The following COL4A3 variants were observed in gnomAD, a reference collection of about 807,000 sequenced individuals.
The protein encoded by COL4A3 is collagen type IV alpha 3 chain.
COL4A3 carries 135 observed loss-of-function variants against 217.4 expected under a neutral mutation model. That is an observed-to-expected ratio of 0.62 (90% CI 0.54 to 0.72). COL4A3 has a LOEUF of 0.72. Among genes scored for constraint, COL4A3 ranks in the 30% least tolerant of loss-of-function variants. The probability of loss-of-function intolerance (pLI) is 0.00; values close to 1 mark genes in which losing one functional copy is unlikely to be tolerated. For missense variants in COL4A3, 1,868 were observed against 2,119.9 expected (o/e 0.88, Z 2.33); for synonymous variants, 690 against 736.3 (o/e 0.94, Z 1.02).
At chr2:227,245,316 A>AC (rs397801617) in intron 5 of COL4A3, among the ~76,000 whole-genome samples, 7 of 151,836 alleles carry the variant, frequency 4.6e-5, no homozygotes, top group South Asian at 2.1e-4. Context: ...TTAAAAAAAA[A>AC]CAATAAAAAT....
At chr2:227,268,935 G>T (rs983580700) in intron 23 of COL4A3, among the ~76,000 whole-genome samples, 2 of 152,190 alleles carry the variant, frequency 1.3e-5, no homozygotes, top group Non-Finnish European at 2.9e-5. Flanking sequence ...TTGCATTGTT[G>T]CATTTTCCAT....
chr2:227,176,329 C>T (rs75004687), intron 1 of COL4A3, among the ~76,000 whole-genome samples: 9,589 of 152,094 alleles, frequency 0.063, 368 homozygotes, highest in Admixed American at 0.092. Flanking sequence ...ATACCAGCGT[C>T]GGTATTGTAT....
At chr2:227,303,180 G>A in intron 44 of COL4A3, 70 bp downstream of exon 44, 1 of 1,367,052 alleles carries the variant, frequency 7.3e-7, no homozygotes, top group Non-Finnish European at 1.0e-6. Flanking sequence ...GGGCACACAA[G>A]TGTTTGCTGA....
Position 227,279,990 on chromosome 2 carries a change from G to T in COL4A3, c.2223+100G>T, listed in dbSNP as rs6729152. ...GGCAGAGCACTCTAGATGTAGAAAT[G>T]ATCAATATATTTGTAGATGATGAAG... On this transcript the variant is annotated intron_variant, in intron 29 of 51. Coordinates refer to ENST00000396578, the MANE Select transcript of COL4A3 (RefSeq NM_000091.5). 0.92 allele frequency: 663,281 copies of T among 721,878 alleles called. 304,928 individuals carry two copies. Among genetic ancestry groups the T allele is most frequent in the African/African-American group, 0.96 (53,333 of 55,606 alleles). 44.7% of individuals were successfully genotyped at this position (721,878 alleles called of 1,614,324 possible).
intron 1 of COL4A3, among the ~76,000 whole-genome samples, chr2:227,226,990 T>C (rs73996238): frequency 0.084 from 12,832 of 152,298 alleles, 852 homozygotes; most frequent in African/African-American, 0.18. Context: ...TGCAAACTTA[T>C]GGACATTGAG....
chr2:227,279,903 T>G lies in COL4A3; in HGVS notation c.2223+13T>G. 6.3e-7 allele frequency: 1 copy of G among 1,585,758 alleles called. No individual in the cohort carries two copies. The highest frequency in any genetic ancestry group is 1.3e-5 in the African/African-American group (1 of 74,640). On this transcript the variant is annotated intron_variant, in intron 29 of 51. Coordinates refer to ENST00000396578, the MANE Select transcript of COL4A3 (RefSeq NM_000091.5). ...CCCAGGAGCCAAGGTATGCAAAAAT[T>G]CAAGCTATCACAGAAGAGAGGGTGG...
chr2:227,277,702 CTT>C (rs1458741592), intron 28 of COL4A3, 149 bp downstream of exon 28: 21 of 629,532 alleles, frequency 3.3e-5, no homozygotes, highest in Non-Finnish European at 4.7e-5. Context: ...CCATAATACT[CTT>C]TAAAATGTTT....
intron 25 of COL4A3, among the ~76,000 whole-genome samples, chr2:227,271,743 A>G (rs953905990): frequency 2.6e-5 from 4 of 152,140 alleles, no homozygotes; most frequent in African/African-American, 7.2e-5. Flanking sequence ...AAGTGCTGGG[A>G]TTACAGGTGT....
Position 227,260,141 on chromosome 2 carries a change from A to T in COL4A3, c.1114+264A>T, listed in dbSNP as rs2070459722. On this transcript the variant is annotated intron_variant, in intron 19 of 51. Coordinates refer to ENST00000396578, the MANE Select transcript of COL4A3 (RefSeq NM_000091.5). ...GTCATGGAAACATTTGCTGGAGGGCAGGAGGAGGGAGTGCAAGGCATTGGC... is the reference window on the plus strand; with the variant it reads ...GTCATGGAAACATTTGCTGGAGGGCTGGAGGAGGGAGTGCAAGGCATTGGC... The T allele has an allele frequency of 4.9e-6, 3 of 615,872 alleles. No homozygotes were observed. In the Admixed American group the frequency reaches 5.9e-5, roughly 12 times the overall value. The allele number at this position is 615,872 out of a possible 1,614,324, so 38.2% of individuals were successfully genotyped here.
In COL4A3 at chr2:227,282,676, G is replaced by C; in HGVS notation, c.2656+144G>C. ...CTTCTAAATTATTTGTAAGAAACCA[G>C]GGGCCATGGTGCAGGGAAACGGTGG... is the stretch of plus-strand genomic sequence containing the variant. On this transcript the variant is annotated intron_variant, in intron 32 of 51. Coordinates refer to ENST00000396578, the MANE Select transcript of COL4A3 (RefSeq NM_000091.5). The surrounding 1 kb of genome is among the most constrained non-coding windows in gnomAD (Gnocchi z 4.4). The C allele has an allele frequency of 2.5e-6, 2 of 805,470 alleles. No individual in the cohort carries two copies. Among genetic ancestry groups the C allele is most frequent in the South Asian group, 3.3e-5 (2 of 61,412 alleles). 49.9% of individuals were successfully genotyped at this position (805,470 alleles called of 1,614,324 possible).
intron 26 of COL4A3, among the ~76,000 whole-genome samples, chr2:227,273,811 A>AT (rs2071386022): frequency 6.6e-6 from 1 of 152,230 alleles, no homozygotes; most frequent in Non-Finnish European, 1.5e-5. Flanking sequence ...TAATAGTTTA[A>AT]AAGTCCAGGT....
At chr2:227,275,453 T>C (rs1053373309) in intron 26 of COL4A3, among the ~76,000 whole-genome samples, 4 of 152,212 alleles carry the variant, frequency 2.6e-5, no homozygotes, top group African/African-American at 9.6e-5. Context: ...AGTTCTGGGA[T>C]TACAGGTGTG....
intron 1 of COL4A3, among the ~76,000 whole-genome samples, chr2:227,192,781 G>A (rs1018194931): frequency 4.6e-5 from 7 of 152,124 alleles, no homozygotes; most frequent in Admixed American, 1.3e-4. Flanking sequence ...TTGACGAATC[G>A]AGTCAACCCA....
intron 42 of COL4A3, 84 bp from the exon 43 acceptor site, chr2:227,298,598 A>C: frequency 6.4e-7 from 1 of 1,572,170 alleles, no homozygotes; most frequent in Non-Finnish European, 8.7e-7. Context: ...TGAAGGGTTT[A>C]TACTTCATTA....
intron 37 of COL4A3, 190 bp downstream of exon 37, chr2:227,291,076 C>G: frequency 1.6e-6 from 1 of 621,288 alleles, no homozygotes; most frequent in Non-Finnish European, 2.7e-6. Context: ...CTGTCAACTT[C>G]TGAGAGCCTC....
chr2:227,164,687 G>T lies in COL4A3; in HGVS notation c.-40G>T. On this transcript the variant is annotated 5_prime_UTR_variant, in exon 1 of 52. The change creates a new upstream start codon in the 5' untranslated region. Transcript: ENST00000396578. The surrounding 1 kb of genome is among the most constrained non-coding windows in gnomAD (Gnocchi z 4.8). The stretch of plus-strand genomic sequence containing the variant: ...GAGACGCGGTGGCCTGAGAGCCTGA[G>T]GGTCCCCGGACTCGCCCAGGCTCTG... 1 of 1,530,088 alleles carries T rather than the reference G, an allele frequency of 6.5e-7. No homozygotes were observed. Among genetic ancestry groups the T allele is most frequent in the South Asian group, 1.2e-5 (1 of 83,778 alleles). 94.8% of individuals were successfully genotyped at this position (1,530,088 alleles called of 1,614,324 possible). A position where few individuals can be genotyped will look rare whatever the true frequency, so the allele number is the denominator to read the frequency against.
chr2:227,283,985 G>A, intron 33 of COL4A3, 129 bp downstream of exon 33: 2 of 1,003,026 alleles, frequency 2.0e-6, no homozygotes, highest in South Asian at 1.4e-5. Context: ...TGATTTTGCT[G>A]TTTTCTATGT....
At chr2:227,170,405 G>A (rs1398603797) in intron 1 of COL4A3, among the ~76,000 whole-genome samples, 1 of 151,960 alleles carries the variant, frequency 6.6e-6, no homozygotes, top group Non-Finnish European at 1.5e-5. Flanking sequence ...AGGTTTAATG[G>A]ACTCACAGTT....
chr2:227,271,999 T>C (rs2071270122), intron 25 of COL4A3, among the ~76,000 whole-genome samples: 1 of 152,214 alleles, frequency 6.6e-6, no homozygotes, highest in Non-Finnish European at 1.5e-5. Flanking sequence ...TATCAGAATA[T>C]GAACTGTGAG....
Sources: gnomAD v4.1 joint callset for allele counts (sites outside exome capture counted in the v4.1 genomes callset) on GRCh38, gnomAD v4.1.1 for gene constraint, Gnocchi (gnomAD v3.1) non-coding constraint, MANE v1.5 for transcripts, NCBI Gene and HGNC (gene_info 2026-07-23, HGNC 2026-07-21) for gene names.